The following CYP2C18 variants were observed in gnomAD, a reference collection of about 807,000 sequenced individuals.
CYP2C18 encodes cytochrome P450 2C18.
CYP2C18 carries 38 observed loss-of-function variants against 41.3 expected under a neutral mutation model. The observed-to-expected ratio is 0.92, with a 90% CI of 0.71 to 1.21. CYP2C18 has a LOEUF of 1.21. Among genes scored for constraint, CYP2C18 ranks in the 50% most tolerant of loss-of-function variants. The pLI, the probability that CYP2C18 is intolerant of heterozygous loss-of-function variation, is 0.00. For synonymous variants in CYP2C18, 236 were observed against 210.0 expected, an observed-to-expected ratio of 1.12 and a Z score of -1.07; for missense variants, 635 against 591.4, an observed-to-expected ratio of 1.07 and a Z score of -0.77.
At chr10:94,719,911 C>G (rs2134202000) in intron 5 of CYP2C18, among the ~76,000 whole-genome samples, 1 of 151,988 alleles carries the variant, frequency 6.6e-6, no homozygotes, top group East Asian at 1.9e-4. Flanking sequence ...GGGGGTCTCA[C>G]TTGTTGCCCA....
intron 3 of CYP2C18, among the ~76,000 whole-genome samples, chr10:94,690,575 A>G (rs1414896418): frequency 2.0e-5 from 3 of 152,188 alleles, no homozygotes; most frequent in African/African-American, 7.2e-5. Flanking sequence ...CCAGGACCAG[A>G]TGGATTCACA....
At chr10:94,719,729 C>G (rs915757536) in intron 5 of CYP2C18, among the ~76,000 whole-genome samples, 2 of 151,990 alleles carry the variant, frequency 1.3e-5, no homozygotes, top group African/African-American at 4.8e-5. Flanking sequence ...CGCATGCCAT[C>G]ACGCCCGGCT....
chr10:94,724,413 TCA>T lies in CYP2C18; in HGVS notation c.1032_1033del (p.Met345AlafsTer15). On this transcript the variant is annotated frameshift_variant, in exon 7 of 9. Transcript: ENST00000285979. LOFTEE classifies it high-confidence loss of function. Reference sequence around the variant, plus strand: ...GGAGCCCCTGTATGCAGGACAGGAGTCACATGCCCTACACAGATGCTGTGGTG... The same window carrying T: ...GGAGCCCCTGTATGCAGGACAGGAGTCATGCCCTACACAGATGCTGTGGTG... ...NRSPCMQDRSHMPYTDAVVHE... is the reference protein window; with the variant it reads ...NRSPCMQDRSXMPYTDAVVHE... 1 of 1,613,322 alleles carries T rather than the reference TCA, an allele frequency of 6.2e-7. No individual in the cohort carries two copies. Among genetic ancestry groups the T allele is most frequent in the Middle Eastern group, 1.7e-4 (1 of 6,054 alleles).
At chr10:94,699,470 G>A (rs1453982863) in intron 4 of CYP2C18, among the ~76,000 whole-genome samples, 2 of 152,118 alleles carry the variant, frequency 1.3e-5, no homozygotes, top group Middle Eastern at 3.2e-3. Context: ...GGTATTGATG[G>A]GATGTATCTG....
intron 5 of CYP2C18, among the ~76,000 whole-genome samples, chr10:94,708,043 T>A (rs1847373378): frequency 6.6e-6 from 1 of 152,182 alleles, no homozygotes; most frequent in African/African-American, 2.4e-5. Context: ...GAGAATAAAA[T>A]CTTTCCTCTG....
Position 94,691,288 on chromosome 10 carries a change from C to G in CYP2C18, c.481+3014C>G, listed in dbSNP as rs550890929. On this transcript the variant is annotated intron_variant, in intron 3 of 8. Transcript: ENST00000285979. ...TCTAGAAAACCCCATCATCTCAGCC[C>G]AAAATCTCCTTAAGCTGATAAGCAA... Among the ~76,000 whole-genome samples the G allele has an allele frequency of 9.1e-4, 138 of 152,270 alleles. 2 individuals are homozygous for G. The highest frequency in any genetic ancestry group is 3.4e-3 in the Middle Eastern group (1 of 294).
intron 5 of CYP2C18, among the ~76,000 whole-genome samples, chr10:94,719,492 C>T (rs2134201613): frequency 6.6e-6 from 1 of 152,052 alleles, no homozygotes; most frequent in Non-Finnish European, 1.5e-5. Flanking sequence ...CAGCCTTGAC[C>T]TCCTGGGCTC....
At chr10:94,692,592 C>A (rs1047459566) in intron 3 of CYP2C18, among the ~76,000 whole-genome samples, 1 of 152,120 alleles carries the variant, frequency 6.6e-6, no homozygotes, top group East Asian at 1.9e-4. Context: ...ACTAGTTTAA[C>A]CATTGTGGAA....
chr10:94,699,913 C>A (rs1847201403), intron 4 of CYP2C18, among the ~76,000 whole-genome samples: 2 of 152,276 alleles, frequency 1.3e-5, no homozygotes, highest in East Asian at 3.9e-4. Flanking sequence ...AGGAATCCAA[C>A]TTCCAAGGGA....
chr10:94,692,471 A>C lies in CYP2C18; in HGVS notation c.482-2446A>C, dbSNP rs1419770505. Among the ~76,000 whole-genome samples, 9 of 152,300 alleles carry C rather than the reference A, an allele frequency of 5.9e-5. No individual in the cohort carries two copies. In the East Asian group the frequency reaches 1.7e-3, roughly 29 times the overall value. On this transcript the variant is annotated intron_variant, in intron 3 of 8. Transcript: ENST00000285979. ...AAATGCAAATCAAAACCACAATGAG[A>C]TATCATCTCACACCAGTTAGAATGG...
At chr10:94,727,826 C>T (rs1380727199) in intron 7 of CYP2C18, among the ~76,000 whole-genome samples, 1 of 152,042 alleles carries the variant, frequency 6.6e-6, no homozygotes, top group Non-Finnish European at 1.5e-5. Context: ...TTAATCTATA[C>T]ATTTATCTGC....
chr10:94,700,008 C>G (rs1245647202), intron 4 of CYP2C18, among the ~76,000 whole-genome samples: 3 of 152,144 alleles, frequency 2.0e-5, no homozygotes, highest in African/African-American at 7.2e-5. Context: ...ACATTTCTTG[C>G]TCATGGGTAG....
chr10:94,692,773 A>G (rs149704721), intron 3 of CYP2C18, among the ~76,000 whole-genome samples: 3,285 of 152,290 alleles, frequency 0.022, 117 homozygotes, highest in African/African-American at 0.074. Flanking sequence ...AACCAACCCA[A>G]GTGTCCAACA....
At position 94,720,456 on chromosome 10, in the gene CYP2C18, ATG is replaced by A; in HGVS notation, c.882_883del (p.Met294IlefsTer28). 6.2e-7 allele frequency: 1 copy of A among 1,613,130 alleles called. No homozygotes were observed. The highest frequency in any genetic ancestry group is 1.3e-5 in the African/African-American group (1 of 75,002). The stretch of plus-strand genomic sequence containing the variant: ...AAGCTTGATAGCCACTGTAACTGAT[ATG>A]TTTGGGGCTGGAACAGAGACAACGA... Reference protein sequence around the residue: ...VESLIATVTDMFGAGTETTST... With the variant: ...VESLIATVTDXFGAGTETTST... On this transcript the variant is annotated frameshift_variant, in exon 6 of 9. Coordinates refer to ENST00000285979, the MANE Select transcript of CYP2C18 (RefSeq NM_000772.3). LOFTEE classifies it high-confidence loss of function.
At chr10:94,702,656 C>T (rs1847266810) in intron 4 of CYP2C18, among the ~76,000 whole-genome samples, 1 of 151,832 alleles carries the variant, frequency 6.6e-6, no homozygotes, top group Non-Finnish European at 1.5e-5. Flanking sequence ...GTTCTTAGTT[C>T]CCTTGCATTG....
chr10:94,684,216 C>CT (rs534780066), intron 1 of CYP2C18, among the ~76,000 whole-genome samples: 70 of 152,188 alleles, frequency 4.6e-4, no homozygotes, highest in Non-Finnish European at 8.8e-4. Flanking sequence ...TTAAAATCCT[C>CT]TTTTTTAGCT....
intron 8 of CYP2C18, among the ~76,000 whole-genome samples, chr10:94,733,919 T>G (rs543784162): frequency 6.6e-6 from 1 of 152,024 alleles, no homozygotes; most frequent in South Asian, 2.1e-4. Context: ...AACAGATCAT[T>G]GTAATCTAGT....
At chr10:94,700,147 C>G (rs893978301) in intron 4 of CYP2C18, among the ~76,000 whole-genome samples, 1 of 152,022 alleles carries the variant, frequency 6.6e-6, no homozygotes, top group African/African-American at 2.4e-5. Flanking sequence ...CATATGGAAC[C>G]AAAAAAGAGC....
chr10:94,725,445 T>TA (rs1847723758), intron 7 of CYP2C18, among the ~76,000 whole-genome samples: 2 of 152,104 alleles, frequency 1.3e-5, no homozygotes, highest in South Asian at 4.1e-4. Context: ...TTTCAATTCT[T>TA]ATAACTCAGT....
Sources: gnomAD v4.1 joint callset for allele counts (sites outside exome capture counted in the v4.1 genomes callset) on GRCh38, gnomAD v4.1.1 for gene constraint, MANE v1.5 for transcripts, NCBI Gene and HGNC (gene_info 2026-07-23, HGNC 2026-07-21) for gene names.